ASTN1: variants seen among roughly 807,000 people sequenced by gnomAD.
ASTN1 encodes astrotactin-1.
Under a neutral mutation model 140.7 loss-of-function variants are expected in ASTN1, and 41 were observed. The ratio of observed to expected loss-of-function variants is 0.29; its 90% CI spans 0.23 to 0.38. The LOEUF (loss-of-function observed/expected upper bound fraction) is 0.38, where lower values mean the gene tolerates loss of function less well. ASTN1 is among the 10% of genes least tolerant of loss of function. ASTN1 has a pLI of 1.00. For missense variants in ASTN1, 1,479 were observed against 1,678.8 expected (o/e 0.88, Z 2.08); for synonymous variants, 640 against 652.2 (o/e 0.98, Z 0.29).
In ASTN1 at chr1:176,863,019, C is replaced by T. The variant is rs976925675; in HGVS notation, c.*1265G>A. ...CTAGTCAACAGGGCCTTGCCAGGCT[C>T]TTTCTGAAAGGCTGGGCTTCCTGTT... On this transcript the variant is annotated 3_prime_UTR_variant, in exon 23 of 23. Coordinates refer to ENST00000361833, the MANE Select transcript of ASTN1 (RefSeq NM_004319.3). The T allele has an allele frequency of 2.0e-6, 2 of 985,392 alleles. No individual in the cohort carries two copies. Among genetic ancestry groups the T allele is most frequent in the African/African-American group, 1.7e-5 (1 of 57,242 alleles). The allele number at this position is 985,392 out of a possible 1,614,324, so 61.0% of individuals were successfully genotyped here. A position where few individuals can be genotyped will look rare whatever the true frequency, so the allele number is the denominator to read the frequency against.
chr1:176,896,069 T>C (rs928374761), intron 16 of ASTN1, among the ~76,000 whole-genome samples: 3 of 152,180 alleles, frequency 2.0e-5, no homozygotes, highest in Non-Finnish European at 4.4e-5. Flanking sequence ...TCATCGACTT[T>C]ATAAAAGAGT....
rs1002758300 is a variant in ASTN1, at chr1:176,939,278, G to A, written c.2378-2908C>T. Among the ~76,000 whole-genome samples the A allele has an allele frequency of 1.1e-4, 17 of 152,098 alleles. 1 individual carries two copies. Among genetic ancestry groups the A allele is most frequent in the Admixed American group, 9.2e-4 (14 of 15,276 alleles). On this transcript the variant is annotated intron_variant, in intron 14 of 22. Coordinates refer to ENST00000361833, the MANE Select transcript of ASTN1 (RefSeq NM_004319.3). ...TTGGTGCTTTTGTTATAACTTCCTC[G>A]GCTTTTAAGTCCAGAACAACAGAGG...
chr1:177,029,971 G>C (rs1481326221), intron 4 of ASTN1, among the ~76,000 whole-genome samples: 1 of 152,186 alleles, frequency 6.6e-6, no homozygotes, highest in Non-Finnish European at 1.5e-5. Context: ...ACTTCCCTCT[G>C]ACTAGGGCCA....
intron 11 of ASTN1, among the ~76,000 whole-genome samples, chr1:176,956,871 T>C (rs906215302): frequency 6.6e-6 from 1 of 152,198 alleles, no homozygotes; most frequent in African/African-American, 2.4e-5. Context: ...CAATCTACTG[T>C]AGCCCAAATT....
At chr1:177,131,815 T>C (rs1356129591) in intron 1 of ASTN1, among the ~76,000 whole-genome samples, 4 of 152,102 alleles carry the variant, frequency 2.6e-5, no homozygotes. Flanking sequence ...GGCTGCTTTG[T>C]CTCACAGCAG....
At chr1:177,133,567 A>T (rs2102208033) in intron 1 of ASTN1, among the ~76,000 whole-genome samples, 1 of 152,322 alleles carries the variant, frequency 6.6e-6, no homozygotes, top group South Asian at 2.1e-4. Flanking sequence ...GAATGGGGTT[A>T]TATCTTGTCA....
intron 8 of ASTN1, among the ~76,000 whole-genome samples, chr1:176,985,246 G>A (rs577984108): frequency 1.3e-5 from 2 of 152,260 alleles, no homozygotes; most frequent in African/African-American, 2.4e-5. Context: ...CAGTGAGGAA[G>A]ACCCAGAGTT....
In ASTN1 at chr1:176,942,820, GTATATATATATATATGTATATATA is replaced by G. The variant is rs1346270438; in HGVS notation, c.2377+1047_2377+1070del. Among the ~76,000 whole-genome samples the G allele has an allele frequency of 8.7e-4, 22 of 25,318 alleles. 1 individual carries two copies. Among genetic ancestry groups the G allele is most frequent in the South Asian group, 3.5e-3 (2 of 570 alleles). 16.6% of individuals were successfully genotyped at this position (25,318 alleles called of 152,430 possible). A position where few individuals can be genotyped will look rare whatever the true frequency, so the allele number is the denominator to read the frequency against. ...CCAAACCAATGTACTTTGTGTGTGTGTATATATATATATATGTATATATATATATATATATATATATATATAGAT... is the reference window on the plus strand; with the variant it reads ...CCAAACCAATGTACTTTGTGTGTGTGTATATATATATATATATATATAGAT... On this transcript the variant is annotated intron_variant, in intron 14 of 22. Coordinates refer to ENST00000361833, the MANE Select transcript of ASTN1 (RefSeq NM_004319.3).
At chr1:176,953,124 A>G (rs1443055916) in intron 11 of ASTN1, among the ~76,000 whole-genome samples, 1 of 151,988 alleles carries the variant, frequency 6.6e-6, no homozygotes, top group Non-Finnish European at 1.5e-5. Flanking sequence ...TTCCCATTCA[A>G]CTCCTTTTCT....
chr1:177,132,543 C>A (rs1036589241), intron 1 of ASTN1, among the ~76,000 whole-genome samples: 2 of 152,174 alleles, frequency 1.3e-5, no homozygotes, highest in African/African-American at 4.8e-5. Context: ...GGTCTCCTTT[C>A]TGCATTAGAT....
At chr1:177,155,147 T>C (rs1413861976) in intron 1 of ASTN1, among the ~76,000 whole-genome samples, 2 of 152,146 alleles carry the variant, frequency 1.3e-5, no homozygotes, top group African/African-American at 2.4e-5. Context: ...TATGGCATTC[T>C]GGAAAAGGCA....
At chr1:176,897,315 C>T (rs1478392653) in intron 16 of ASTN1, among the ~76,000 whole-genome samples, 1 of 149,356 alleles carries the variant, frequency 6.7e-6, no homozygotes, top group Non-Finnish European at 1.5e-5. Context: ...AGTAAAATCC[C>T]GGCCCCCCCA....
chr1:176,901,074 G>T (rs1160812193), intron 16 of ASTN1, among the ~76,000 whole-genome samples: 1 of 152,172 alleles, frequency 6.6e-6, no homozygotes, highest in African/African-American at 2.4e-5. Context: ...GATAGGATGG[G>T]TTTAAATTCG....
In ASTN1 at chr1:177,164,571, T is replaced by G; in HGVS notation, c.106A>C (p.Lys36Gln). The change falls in exon 1 of 23, where the codon AAG becomes CAG. Residue 36 changes from lysine to glutamine, a missense_variant. Physicochemically the swap from Lys to Gln is moderately conservative, Grantham distance 53. Coordinates refer to ENST00000361833, the MANE Select transcript of ASTN1 (RefSeq NM_004319.3). Reference protein sequence around the residue: ...DVDPSKELECKLKSITVSALP... With the variant: ...DVDPSKELECQLKSITVSALP... ...GCCGACACCGTGATGCTTTTGAGCT[T>G]GCACTCCAGCTCCTTGGATGGATCC... 6.2e-7 allele frequency: 1 copy of G among 1,613,758 alleles called. No homozygotes were observed. Among genetic ancestry groups the G allele is most frequent in the Non-Finnish European group, 8.5e-7 (1 of 1,179,900 alleles).
intron 1 of ASTN1, among the ~76,000 whole-genome samples, chr1:177,076,141 T>C (rs1183310031): frequency 2.6e-5 from 4 of 151,242 alleles, no homozygotes. Context: ...TAGCTGGGCG[T>C]GGTTGCACGA....
chr1:176,921,071 G>A (rs1670703506), intron 16 of ASTN1, among the ~76,000 whole-genome samples: 1 of 152,196 alleles, frequency 6.6e-6, no homozygotes, highest in African/African-American at 2.4e-5. Flanking sequence ...TTTGACTAGT[G>A]TAGCGTTAAT....
chr1:176,911,934 A>G (rs1047476472), intron 16 of ASTN1, among the ~76,000 whole-genome samples: 17 of 152,216 alleles, frequency 1.1e-4, no homozygotes, highest in African/African-American at 4.1e-4. Context: ...GTGACGCATG[A>G]TGCTGTAACA....
chr1:176,923,472 A>G (rs1670825434), intron 16 of ASTN1, among the ~76,000 whole-genome samples: 7 of 152,192 alleles, frequency 4.6e-5, no homozygotes, highest in Admixed American at 4.6e-4. Flanking sequence ...TGGGCAATAC[A>G]GCAGGCCCCC....
intron 16 of ASTN1, among the ~76,000 whole-genome samples, chr1:176,916,196 C>T (rs1284715864): frequency 6.6e-6 from 1 of 152,168 alleles, no homozygotes; most frequent in African/African-American, 2.4e-5. Context: ...TGAGGTGCTT[C>T]TCCTTGGGGT....
Sources: gnomAD v4.1 joint callset for allele counts (sites outside exome capture counted in the v4.1 genomes callset) on GRCh38, gnomAD v4.1.1 for gene constraint, MANE v1.5 for transcripts, NCBI Gene and HGNC (gene_info 2026-07-23, HGNC 2026-07-21) for gene names.